The following ETV6 variants were observed in gnomAD, a reference collection of about 807,000 sequenced individuals.
ETV6 encodes ETS variant transcription factor 6, also known as transcription factor ETV6.
In ETV6, 16 loss-of-function variants were observed where a neutral mutation model predicts 51.1. That is an observed-to-expected ratio of 0.31 (90% CI 0.21 to 0.48). The LOEUF (loss-of-function observed/expected upper bound fraction) is 0.48, where lower values mean the gene tolerates loss of function less well. Ranked by LOEUF, ETV6 falls within the 20% of genes least tolerant of loss-of-function variation. The pLI is 0.99. For missense variants in ETV6, 458 were observed against 594.8 expected (o/e 0.77, Z 2.39); for synonymous variants, 240 against 224.1 (o/e 1.07, Z -0.64).
chr12:11,852,005 C>T (rs1420391469), intron 3 of ETV6, among the ~76,000 whole-genome samples: 3 of 152,124 alleles, frequency 2.0e-5, no homozygotes, highest in Non-Finnish European at 2.9e-5. Context: ...TAAAAAAAGT[C>T]GCTAAAATTA....
At chr12:11,748,321 T>C (rs1407999423) in intron 1 of ETV6, among the ~76,000 whole-genome samples, 1 of 152,238 alleles carries the variant, frequency 6.6e-6, no homozygotes, top group East Asian at 1.9e-4. Flanking sequence ...AGGGACAATT[T>C]CCAGGAAAAG....
intron 3 of ETV6, among the ~76,000 whole-genome samples, chr12:11,844,549 A>G (rs916462603): frequency 1.3e-5 from 2 of 152,192 alleles, no homozygotes; most frequent in African/African-American, 4.8e-5. Context: ...TCTTGAATCA[A>G]AATTGGCCTA....
At chr12:11,688,154 G>T (rs746280058) in intron 1 of ETV6, among the ~76,000 whole-genome samples, 1 of 152,156 alleles carries the variant, frequency 6.6e-6, no homozygotes, top group Non-Finnish European at 1.5e-5. Flanking sequence ...GCCACGTCAG[G>T]GTGGTCTAGG....
At chr12:11,793,125 C>T (rs1386997408) in intron 2 of ETV6, among the ~76,000 whole-genome samples, 1 of 151,450 alleles carries the variant, frequency 6.6e-6, no homozygotes, top group African/African-American at 2.4e-5. Flanking sequence ...AGTGTTGGAA[C>T]AATGGTGACT....
At chr12:11,781,348 T>G (rs1002836947) in intron 2 of ETV6, among the ~76,000 whole-genome samples, 1 of 152,208 alleles carries the variant, frequency 6.6e-6, no homozygotes, top group African/African-American at 2.4e-5. Context: ...CGTCCCGTTC[T>G]TGGATGGTGC....
chr12:11,787,045 G>C (rs1269532425), intron 2 of ETV6, among the ~76,000 whole-genome samples: 2 of 152,182 alleles, frequency 1.3e-5, no homozygotes, highest in Non-Finnish European at 2.9e-5. Context: ...CAAAGAGTCT[G>C]AAAGAGTAAT....
At chr12:11,796,371 T>C (rs755383343) in intron 2 of ETV6, among the ~76,000 whole-genome samples, 6 of 152,348 alleles carry the variant, frequency 3.9e-5, no homozygotes, top group Non-Finnish European at 5.9e-5. Context: ...CCCTGTAATG[T>C]GGCAGCCTCG....
At chr12:11,730,260 C>T (rs985842449) in intron 1 of ETV6, among the ~76,000 whole-genome samples, 1 of 152,240 alleles carries the variant, frequency 6.6e-6, no homozygotes, top group African/African-American at 2.4e-5. Context: ...TTGTAGGCCT[C>T]TGGGATTGTG....
At chr12:11,787,953 T>A (rs897637802) in intron 2 of ETV6, among the ~76,000 whole-genome samples, 2 of 152,194 alleles carry the variant, frequency 1.3e-5, no homozygotes, top group African/African-American at 4.8e-5. Context: ...TTGAACAGAT[T>A]TCTTTCACAC....
chr12:11,700,478 CTTTCTG>C (rs1005149447), intron 1 of ETV6, among the ~76,000 whole-genome samples: 1 of 152,150 alleles, frequency 6.6e-6, no homozygotes, highest in Non-Finnish European at 1.5e-5. Flanking sequence ...CAATATCTTA[CTTTCTG>C]TTTCTGAGTT....
At chr12:11,738,185 G>C (rs1324973436) in intron 1 of ETV6, among the ~76,000 whole-genome samples, 2 of 151,394 alleles carry the variant, frequency 1.3e-5, no homozygotes, top group Non-Finnish European at 2.9e-5. Context: ...TTGCTTGCTT[G>C]CTTGCTTGCT....
At chr12:11,776,964 C>T (rs1045619958) in intron 2 of ETV6, among the ~76,000 whole-genome samples, 4 of 152,138 alleles carry the variant, frequency 2.6e-5, no homozygotes, top group African/African-American at 2.4e-5. Flanking sequence ...TTAGGCCGGG[C>T]GCAGTGGCTC....
intron 2 of ETV6, among the ~76,000 whole-genome samples, chr12:11,756,491 G>C (rs945860184): frequency 1.3e-5 from 2 of 152,122 alleles, no homozygotes; most frequent in African/African-American, 4.8e-5. Flanking sequence ...AAAAAAAGTT[G>C]CATTCTTTAA....
chr12:11,727,290 G>A (rs1484179599), intron 1 of ETV6, among the ~76,000 whole-genome samples: 4 of 152,224 alleles, frequency 2.6e-5, no homozygotes, highest in Admixed American at 6.5e-5. Flanking sequence ...AGACATGCCC[G>A]GCATCCCGCA....
intron 2 of ETV6, among the ~76,000 whole-genome samples, chr12:11,780,697 C>T (rs1294749899): frequency 2.0e-5 from 3 of 152,218 alleles, no homozygotes; most frequent in Admixed American, 2.0e-4. Flanking sequence ...AAGACTCAAA[C>T]ACTGTGGCAA....
chr12:11,819,353 C>T (rs1035823901), intron 2 of ETV6, among the ~76,000 whole-genome samples: 4 of 152,174 alleles, frequency 2.6e-5, no homozygotes, highest in African/African-American at 9.7e-5. Flanking sequence ...CTGCTGTTCC[C>T]TCCTTTAAGA....
At chr12:11,766,663 T>C (rs1016393344) in intron 2 of ETV6, among the ~76,000 whole-genome samples, 9 of 152,118 alleles carry the variant, frequency 5.9e-5, no homozygotes, top group African/African-American at 1.9e-4. Context: ...GTGGAGGCCT[T>C]ATAGGTTATG....
intron 1 of ETV6, among the ~76,000 whole-genome samples, chr12:11,682,267 T>C (rs964990945): frequency 1.3e-5 from 2 of 152,224 alleles, no homozygotes; most frequent in South Asian, 2.1e-4. Flanking sequence ...TTCTAACTGG[T>C]GTGAGATGGT....
intron 1 of ETV6, among the ~76,000 whole-genome samples, chr12:11,662,026 T>A (rs1483637069): frequency 6.6e-6 from 1 of 152,026 alleles, no homozygotes; most frequent in African/African-American, 2.4e-5. Flanking sequence ...GGCAGGGCAA[T>A]GAGCAAAAGG....
Sources: gnomAD v4.1 joint callset for allele counts (sites outside exome capture counted in the v4.1 genomes callset) on GRCh38, gnomAD v4.1.1 for gene constraint, MANE v1.5 for transcripts, NCBI Gene and HGNC (gene_info 2026-07-23, HGNC 2026-07-21) for gene names.